Variants in RPN2 observed in about 807,000 individuals in gnomAD.
RPN2 encodes the protein dolichyl-diphosphooligosaccharide--protein glycosyltransferase subunit 2.
A neutral mutation model predicts 71.4 loss-of-function variants in RPN2; 29 were observed. The ratio of observed to expected loss-of-function variants is 0.41; its 90% confidence interval spans 0.30 to 0.55. The LOEUF (loss-of-function observed/expected upper bound fraction) is 0.55, where lower values mean the gene tolerates loss of function less well. Among genes scored for constraint, RPN2 ranks in the 20% least tolerant of loss-of-function variants. The pLI, the probability that RPN2 is intolerant of heterozygous loss-of-function variation, is 0.35. For synonymous variants in RPN2, 308 were observed against 305.0 expected (o/e 1.01, Z -0.10); for missense variants, 726 against 774.1 (o/e 0.94, Z 0.74).
At chr20:37,192,273 G>C (rs1248951960) in intron 2 of RPN2, among the ~76,000 whole-genome samples, 1 of 152,232 alleles carries the variant, frequency 6.6e-6, no homozygotes, top group African/African-American at 2.4e-5. Context: ...GGATAGCAGA[G>C]AATGAGGCAA....
At chr20:37,204,200 C>G (rs2146585776) in intron 5 of RPN2, among the ~76,000 whole-genome samples, 1 of 152,284 alleles carries the variant, frequency 6.6e-6, no homozygotes, top group Middle Eastern at 3.4e-3. Context: ...TGCCTTTGCC[C>G]AGAATATCAT....
intron 7 of RPN2, among the ~76,000 whole-genome samples, chr20:37,208,720 A>T (rs531781420): frequency 6.6e-6 from 1 of 152,344 alleles, no homozygotes; most frequent in South Asian, 2.1e-4. Flanking sequence ...GATCTTGAAT[A>T]TGCTTAGAAC....
chr20:37,200,973 G>A (rs1023363622), intron 4 of RPN2, among the ~76,000 whole-genome samples: 1 of 152,088 alleles, frequency 6.6e-6, no homozygotes, highest in African/African-American at 2.4e-5. Context: ...GTCCACTTTG[G>A]AGTCAGACAG....
intron 11 of RPN2, among the ~76,000 whole-genome samples, chr20:37,228,105 C>G (rs1263384287): frequency 6.6e-6 from 1 of 152,168 alleles, no homozygotes; most frequent in African/African-American, 2.4e-5. Flanking sequence ...AATACCCAAG[C>G]CTCCTCTACT....
intron 1 of RPN2, among the ~76,000 whole-genome samples, chr20:37,183,422 TGGC>T (rs2066928205): frequency 6.6e-6 from 1 of 152,210 alleles, no homozygotes. Flanking sequence ...TTCACCATGT[TGGC>T]CAGGCTGGCC....
chr20:37,233,990 C>G (rs376140230), intron 14 of RPN2, 30 bp from the exon 15 acceptor site: 2 of 1,612,692 alleles, frequency 1.2e-6, no homozygotes, highest in African/African-American at 2.7e-5. Context: ...GTTCTAATGC[C>G]TTTTTAATTT....
intron 14 of RPN2, 56 bp from the exon 15 acceptor site, chr20:37,233,964 G>C: frequency 6.3e-7 from 1 of 1,587,490 alleles, no homozygotes; most frequent in Non-Finnish European, 8.6e-7. Flanking sequence ...CATGGCTTGT[G>C]TTGCTTCCCT....
intron 6 of RPN2, among the ~76,000 whole-genome samples, chr20:37,206,439 GTCCTACA>G (rs1216767576): frequency 4.6e-5 from 7 of 152,158 alleles, no homozygotes; most frequent in Non-Finnish European, 1.0e-4. Flanking sequence ...GAGACAAACA[GTCCTACA>G]TTTGAATGTT....
At position 37,189,901 on chromosome 20, in the gene RPN2, G is replaced by A. The variant is rs1385502980; in HGVS notation, c.207+5528G>A. 2.6e-5 allele frequency among the ~76,000 whole-genome samples: 4 copies of A among 152,304 alleles called. 1 individual carries two copies. The highest frequency in any genetic ancestry group is 2.6e-4 in the Admixed American group (4 of 15,298). On this transcript the variant is annotated intron_variant, in intron 2 of 16. Transcript: ENST00000237530. ...AATGCCTGGCACAGACACTGTATTC[G>A]CAGTGCCTTTTGTAGTGATGCTTCG... is the stretch of plus-strand genomic sequence containing the variant.
chr20:37,204,464 G>GT (rs2067465632), intron 5 of RPN2, among the ~76,000 whole-genome samples: 1 of 152,214 alleles, frequency 6.6e-6, no homozygotes, highest in South Asian at 2.1e-4. Context: ...CTGGCCCACT[G>GT]GCTTTCCACC....
intron 4 of RPN2, among the ~76,000 whole-genome samples, chr20:37,201,229 T>TA (rs1279824021): frequency 6.6e-6 from 1 of 151,008 alleles, no homozygotes; most frequent in Non-Finnish European, 1.5e-5. Flanking sequence ...TCCCCCTTCT[T>TA]AGAGAGTTTG....
At chr20:37,191,899 TAGTG>T (rs1305629951) in intron 2 of RPN2, among the ~76,000 whole-genome samples, 4 of 148,634 alleles carry the variant, frequency 2.7e-5, no homozygotes, top group South Asian at 2.2e-4. Flanking sequence ...CTGGGCAACA[TAGTG>T]AGACACCCGC....
intron 2 of RPN2, among the ~76,000 whole-genome samples, chr20:37,186,228 G>A (rs2067006575): frequency 6.6e-6 from 1 of 152,210 alleles, no homozygotes; most frequent in Non-Finnish European, 1.5e-5. Context: ...CTGACTTGGG[G>A]CTTTAATTAT....
Position 37,211,798 on chromosome 20 carries a change from C to T in RPN2, c.986+1633C>T, listed in dbSNP as rs569796718. ...CCCAGGCTGGAGTGCAGTGTAGTGG[C>T]GTGATGTCTGCTCATTGCAATCTCC... is the stretch of plus-strand genomic sequence containing the variant. On this transcript the variant is annotated intron_variant, in intron 8 of 16. Transcript: ENST00000237530. Among the ~76,000 whole-genome samples the T allele has an allele frequency of 7.9e-5, 12 of 151,322 alleles. No individual in the cohort carries two copies. The East Asian group carries it at 2.1e-3, about 27-fold the overall frequency.
intron 15 of RPN2, 39 bp from the exon 16 acceptor site, chr20:37,236,541 G>A: frequency 6.2e-7 from 1 of 1,612,238 alleles, no homozygotes; most frequent in Non-Finnish European, 8.5e-7. Context: ...GCATCATTAT[G>A]TTTCATTTAA....
At position 37,234,045 on chromosome 20, in the gene RPN2, C is replaced by T; in HGVS notation, c.1703C>T (p.Ser568Phe). The change falls in exon 15 of 17, where the codon TCC becomes TTC. Residue 568 changes from serine (S) to phenylalanine (F), a missense_variant. Transcript: ENST00000237530. ...ALWIRIGANV[S>F]NFTFAPSTII... ...TGGATCCGGATTGGTGCCAATGTCTCCAACTTCACTTTTGCTCCTAGCACG... is the reference window on the plus strand; with the variant it reads ...TGGATCCGGATTGGTGCCAATGTCTTCAACTTCACTTTTGCTCCTAGCACG... 1.2e-6 allele frequency: 2 copies of T among 1,614,184 alleles called. No homozygotes were observed. The highest frequency in any genetic ancestry group is 1.7e-6 in the Non-Finnish European group (2 of 1,180,036).
intron 14 of RPN2, 86 bp from the exon 15 acceptor site, chr20:37,233,934 G>A: frequency 3.4e-6 from 5 of 1,451,282 alleles, no homozygotes; most frequent in African/African-American, 1.4e-5. Context: ...CCTTGGGGCT[G>A]TTGATGGGAT....
At chr20:37,231,398 C>T (rs921827578) in intron 13 of RPN2, among the ~76,000 whole-genome samples, 1 of 152,024 alleles carries the variant, frequency 6.6e-6, no homozygotes, top group African/African-American at 2.4e-5. Flanking sequence ...CAAGAAATAC[C>T]ATCAGAATGC....
At chr20:37,218,826 TCATC>T (rs2067882857) in intron 9 of RPN2, among the ~76,000 whole-genome samples, 1 of 152,250 alleles carries the variant, frequency 6.6e-6, no homozygotes, top group East Asian at 1.9e-4. Context: ...CTTCTAAGGT[TCATC>T]CATGTTGTAG....
Sources: gnomAD v4.1 joint callset for allele counts (sites outside exome capture counted in the v4.1 genomes callset) on GRCh38, gnomAD v4.1.1 for gene constraint, MANE v1.5 for transcripts, NCBI Gene and HGNC (gene_info 2026-07-23, HGNC 2026-07-21) for gene names.